The following USH2A variants were observed in gnomAD, a reference collection of about 807,000 sequenced individuals.
USH2A encodes the protein usherin.
Under a neutral mutation model 538.9 loss-of-function variants are expected in USH2A, and 443 were observed. That is an observed-to-expected ratio of 0.82 (90% CI 0.76 to 0.89). The LOEUF is 0.89. Among genes scored for constraint, USH2A ranks in the 40% least tolerant of loss-of-function variants. The pLI, the probability that USH2A is intolerant of heterozygous loss-of-function variation, is 0.00. For missense variants in USH2A, 6,633 were observed against 6,324.8 expected (o/e 1.05, Z -1.65); for synonymous variants, 2,413 against 2,273.5 (o/e 1.06, Z -1.75).
intron 35 of USH2A, among the ~76,000 whole-genome samples, chr1:215,971,245 T>G (rs1175154928): frequency 6.6e-6 from 1 of 152,170 alleles, no homozygotes; most frequent in Admixed American, 6.6e-5. Context: ...TAACCCTCTC[T>G]TCATAGCATT....
intron 20 of USH2A, among the ~76,000 whole-genome samples, chr1:216,180,344 C>T (rs2034468664): frequency 6.6e-6 from 1 of 151,968 alleles, no homozygotes; most frequent in African/African-American, 2.4e-5. Flanking sequence ...AATTCTTGTA[C>T]TTTTAAAATA....
At chr1:215,844,869 T>G (rs1417168071) in intron 45 of USH2A, among the ~76,000 whole-genome samples, 2 of 152,202 alleles carry the variant, frequency 1.3e-5, no homozygotes, top group East Asian at 3.9e-4. Context: ...AAATAAAATT[T>G]GCTCCTTGAG....
intron 4 of USH2A, among the ~76,000 whole-genome samples, chr1:216,352,299 G>A (rs1319187246): frequency 6.6e-6 from 1 of 152,074 alleles, no homozygotes; most frequent in Admixed American, 6.6e-5. Context: ...AAACTGAGAC[G>A]CAGCAACTAG....
At chr1:215,654,548 C>T (rs1246818906) in intron 64 of USH2A, among the ~76,000 whole-genome samples, 1 of 152,194 alleles carries the variant, frequency 6.6e-6, no homozygotes, top group East Asian at 1.9e-4. Flanking sequence ...GAGTCAGAAA[C>T]TTCCCTAGTC....
At chr1:216,334,625 G>A (rs2037934643) in intron 4 of USH2A, among the ~76,000 whole-genome samples, 1 of 151,836 alleles carries the variant, frequency 6.6e-6, no homozygotes. Flanking sequence ...GAATGTTCAA[G>A]AATGAAAAGA....
intron 38 of USH2A, among the ~76,000 whole-genome samples, chr1:215,910,148 A>G (rs900160343): frequency 1.3e-5 from 2 of 151,994 alleles, no homozygotes; most frequent in African/African-American, 4.8e-5. Context: ...ATCTTTTCCA[A>G]TGAAAACTTT....
intron 49 of USH2A, among the ~76,000 whole-genome samples, chr1:215,806,749 A>C (rs1172548175): frequency 6.6e-6 from 1 of 152,144 alleles, no homozygotes; most frequent in Non-Finnish European, 1.5e-5. Flanking sequence ...TTTAAGTGTC[A>C]TTAACAAGAT....
chr1:216,054,294 T>G (rs1220622437), intron 30 of USH2A, among the ~76,000 whole-genome samples: 2 of 152,138 alleles, frequency 1.3e-5, no homozygotes, highest in Admixed American at 6.5e-5. Context: ...TACATTATTA[T>G]CTCCAACACT....
chr1:216,159,537 TACACACAC>T (rs60343349), intron 21 of USH2A, among the ~76,000 whole-genome samples: 81 of 146,934 alleles, frequency 5.5e-4, no homozygotes, highest in African/African-American at 1.6e-3. Context: ...TTTATTTATG[TACACACAC>T]ACACACACAC....
rs2102440742 is a variant in USH2A, at chr1:215,867,127, CCA to C, written c.8723_8724del (p.Val2908GlyfsTer29). 1.9e-6 allele frequency: 3 copies of C among 1,614,070 alleles called. No homozygotes were observed. The highest frequency in any genetic ancestry group is 2.5e-6 in the Non-Finnish European group (3 of 1,180,000). On this transcript the variant is annotated frameshift_variant, in exon 44 of 72. Coordinates refer to ENST00000307340, the MANE Select transcript of USH2A (RefSeq NM_206933.4). LOFTEE classifies it high-confidence loss of function. ...GTCACTTCTCGGCTCGGTGTAAAAC[CCA>C]CACTGTTGTGTACGAAGAGCATATA... ...YEYMLFVHNS[V>X]GFTPSREVTV...
At chr1:216,090,431 T>TA (rs748252419) in intron 22 of USH2A, among the ~76,000 whole-genome samples, 2,549 of 94,412 alleles carry the variant, frequency 0.027, 60 homozygotes, top group African/African-American at 0.08. Flanking sequence ...GTTACCAAAG[T>TA]AAAAAAAAAA....
At chr1:215,741,036 G>T (rs1363530532) in intron 60 of USH2A, among the ~76,000 whole-genome samples, 1 of 151,922 alleles carries the variant, frequency 6.6e-6, no homozygotes, top group African/African-American at 2.4e-5. Flanking sequence ...TGGCCTGGGG[G>T]TTAGGAACCC....
intron 61 of USH2A, among the ~76,000 whole-genome samples, chr1:215,695,655 G>A (rs899703429): frequency 2.0e-5 from 3 of 152,202 alleles, no homozygotes; most frequent in Non-Finnish European, 4.4e-5. Flanking sequence ...CTGTACAGAA[G>A]CTACAGCTGA....
chr1:216,313,268 TCC>T (rs1473589746), intron 9 of USH2A, among the ~76,000 whole-genome samples: 2 of 152,116 alleles, frequency 1.3e-5, no homozygotes, highest in Admixed American at 1.3e-4. Context: ...TACTATGCAG[TCC>T]GGTTTCTAAT....
intron 34 of USH2A, among the ~76,000 whole-genome samples, chr1:215,997,718 C>T (rs1167947500): frequency 6.6e-6 from 1 of 151,990 alleles, no homozygotes; most frequent in African/African-American, 2.4e-5. Context: ...GTTTTGGTTG[C>T]TTCCAAAAAA....
intron 37 of USH2A, among the ~76,000 whole-genome samples, chr1:215,937,991 A>G (rs1468712248): frequency 6.6e-6 from 1 of 152,130 alleles, no homozygotes; most frequent in Non-Finnish European, 1.5e-5. Flanking sequence ...ATATATAAGT[A>G]GCACTTCATT....
At chr1:215,708,868 T>C (rs1448454150) in intron 61 of USH2A, among the ~76,000 whole-genome samples, 2 of 152,196 alleles carry the variant, frequency 1.3e-5, no homozygotes, top group Admixed American at 1.3e-4. Context: ...TGACATATTG[T>C]AGTTTATGGT....
At chr1:215,719,146 G>A (rs1659579438) in intron 61 of USH2A, among the ~76,000 whole-genome samples, 1 of 152,126 alleles carries the variant, frequency 6.6e-6, no homozygotes, top group African/African-American at 2.4e-5. Flanking sequence ...GTGTGAGAGT[G>A]TGTGTCTGTG....
In USH2A at chr1:216,072,872, T is replaced by A; in HGVS notation, c.5857+17A>T. 6.2e-7 allele frequency: 1 copy of A among 1,608,532 alleles called. No homozygotes were observed. Among genetic ancestry groups the A allele is most frequent in the Non-Finnish European group, 8.5e-7 (1 of 1,175,102 alleles). ...ATGTGTGTGTGTGCACATATGCATT[T>A]GAAGATAAGTATTTACCTGCTCCTG... On this transcript the variant is annotated intron_variant, in intron 29 of 71. Transcript: ENST00000307340.
Sources: allele counts gnomAD v4.1 joint callset (sites outside exome capture counted in the v4.1 genomes callset), GRCh38; gene constraint gnomAD v4.1.1; transcripts MANE v1.5; gene names NCBI Gene and HGNC (gene_info 2026-07-23, HGNC 2026-07-21).